CASZ1: variants seen among roughly 807,000 people sequenced by gnomAD.
CASZ1 encodes castor zinc finger 1.
Under a neutral mutation model 135.2 loss-of-function variants are expected in CASZ1, and 28 were observed. The observed-to-expected ratio is 0.21, with a 90% CI of 0.15 to 0.28. The LOEUF is 0.28. Among genes scored for constraint, CASZ1 ranks in the 10% least tolerant of loss-of-function variants. CASZ1 has a pLI of 1.00. For missense variants in CASZ1, 2,161 were observed against 2,453.3 expected, an observed-to-expected ratio of 0.88 and a Z score of 2.52; for synonymous variants, 1,068 against 1,073.4, an observed-to-expected ratio of 0.99 and a Z score of 0.10.
chr1:10,749,931 C>G (rs1004452060), intron 2 of CASZ1, among the ~76,000 whole-genome samples: 7 of 152,182 alleles, frequency 4.6e-5, no homozygotes, highest in African/African-American at 1.7e-4. Context: ...GTCTCCGGAG[C>G]ATCACAGACA....
rs1178322390 is a variant in CASZ1, at chr1:10,636,877, T to A, written c.*2065A>T. Reference sequence around the variant, plus strand: ...ATATATCTATATATGTATATACATATAGATATATACACACACATATGTGCA... The same window carrying A: ...ATATATCTATATATGTATATACATAAAGATATATACACACACATATGTGCA... On this transcript the variant is annotated 3_prime_UTR_variant, in exon 21 of 21. Transcript: ENST00000377022. 1 of 151,920 alleles carries A rather than the reference T, an allele frequency of 6.6e-6. No individual in the cohort carries two copies. Among genetic ancestry groups the A allele is most frequent in the Admixed American group, 6.6e-5 (1 of 15,218 alleles). 9.4% of individuals were successfully genotyped at this position (151,920 alleles called of 1,614,324 possible). A position where few individuals can be genotyped will look rare whatever the true frequency, so the allele number is the denominator to read the frequency against.
chr1:10,783,126 G>T (rs1046299500), intron 1 of CASZ1, among the ~76,000 whole-genome samples: 1 of 152,142 alleles, frequency 6.6e-6, no homozygotes, highest in Non-Finnish European at 1.5e-5. Flanking sequence ...CCCTCCCGGG[G>T]CCACCGGCCA....
rs1299701471 is a variant in CASZ1 at position 10,707,757 on chromosome 1, G to T, written c.-76-2213C>A. 6.6e-6 allele frequency among the ~76,000 whole-genome samples: 1 copy of T among 152,126 alleles called. No individual in the cohort carries two copies. The highest frequency in any genetic ancestry group is 6.5e-5 in the Admixed American group (1 of 15,284). On this transcript the variant is annotated intron_variant, in intron 2 of 20. Coordinates refer to ENST00000377022, the MANE Select transcript of CASZ1 (RefSeq NM_001079843.3). This position sits in a 1 kb window ranked among gnomAD's most constrained non-coding sequence, Gnocchi z 5.0. Reference sequence around the variant, plus strand: ...CTTCCTTCTCTGGGCATCTTTTCTTGTCTCTCTGCCTCTCACTGTCCCCAC... The same window carrying T: ...CTTCCTTCTCTGGGCATCTTTTCTTTTCTCTCTGCCTCTCACTGTCCCCAC...
At chr1:10,664,966 G>A in intron 5 of CASZ1, 117 bp downstream of exon 5, 5 of 1,199,262 alleles carry the variant, frequency 4.2e-6, no homozygotes, top group Non-Finnish European at 5.4e-6. Context: ...GGTGGGATGA[G>A]GGGCCGGTAT....
At chr1:10,729,027 G>T (rs1042870479) in intron 2 of CASZ1, among the ~76,000 whole-genome samples, 5 of 152,002 alleles carry the variant, frequency 3.3e-5, no homozygotes, top group African/African-American at 1.2e-4. Flanking sequence ...CGGACCGAGG[G>T]GACAAAACCC....
intron 3 of CASZ1, among the ~76,000 whole-genome samples, chr1:10,698,495 A>C (rs1638988239): frequency 6.6e-6 from 1 of 152,242 alleles, no homozygotes; most frequent in African/African-American, 2.4e-5. Context: ...CTAAATTATA[A>C]AATTCTCCAA....
intron 5 of CASZ1, 94 bp from the exon 6 acceptor site, chr1:10,660,630 G>T (rs1419142308): frequency 1.0e-6 from 1 of 974,078 alleles, no homozygotes; most frequent in Non-Finnish European, 1.6e-6. Context: ...GAGGGAGGGG[G>T]TCAGTGTGGG....
At position 10,769,642 on chromosome 1, in the gene CASZ1, G is replaced by A. The variant is rs189780012; in HGVS notation, c.-233-8785C>T. On this transcript the variant is annotated intron_variant, in intron 1 of 20. Coordinates refer to ENST00000377022, the MANE Select transcript of CASZ1 (RefSeq NM_001079843.3). ...AGCGATTCTCCTGCCTCTGCCTCCC[G>A]AATAGCTGGGATTACAGGTGCGCAC... 9.2e-5 allele frequency among the ~76,000 whole-genome samples: 14 copies of A among 151,922 alleles called. 1 individual carries two copies. In the East Asian group the frequency reaches 1.4e-3, roughly 15 times the overall value.
At position 10,646,836 on chromosome 1, in the gene CASZ1, C is replaced by T. The variant is rs777188519; in HGVS notation, c.3498-510G>A. ...TGCCTGGTGTCAGCTCCTGGGGGCT[C>T]ACAGCTGCTGGGCTCCCCAGGATCA... On this transcript the variant is annotated intron_variant, in intron 16 of 20. Coordinates refer to ENST00000377022, the MANE Select transcript of CASZ1 (RefSeq NM_001079843.3). The surrounding 1 kb of genome is among the most constrained non-coding windows in gnomAD (Gnocchi z 6.4). Among the ~76,000 whole-genome samples the T allele has an allele frequency of 6.6e-6, 1 of 152,180 alleles. No individual in the cohort carries two copies. The highest frequency in any genetic ancestry group is 1.5e-5 in the Non-Finnish European group (1 of 68,020).
At chr1:10,648,830 G>A (rs1450752315) in intron 15 of CASZ1, 2 of 540,506 alleles carry the variant, frequency 3.7e-6, no homozygotes, top group Non-Finnish European at 6.6e-6. Context: ...CGTGGGTGCA[G>A]CAGCAGCTGT....
chr1:10,650,284 C>T (rs1350658986), intron 13 of CASZ1: 1 of 152,502 alleles, frequency 6.6e-6, no homozygotes, highest in Non-Finnish European at 1.5e-5. Context: ...GCGTCCGAGA[C>T]CATTACTCAA....
chr1:10,683,366 C>A (rs1213393739), intron 4 of CASZ1, among the ~76,000 whole-genome samples: 1 of 152,152 alleles, frequency 6.6e-6, no homozygotes, highest in Non-Finnish European at 1.5e-5. Context: ...AGCCCCCAGC[C>A]TAAAACCCCA....
intron 2 of CASZ1, among the ~76,000 whole-genome samples, chr1:10,745,506 T>G (rs943648157): frequency 1.3e-5 from 2 of 152,178 alleles, no homozygotes; most frequent in African/African-American, 4.8e-5. Flanking sequence ...GCTTCCTGGG[T>G]GTGCAACCCA....
intron 1 of CASZ1, among the ~76,000 whole-genome samples, chr1:10,785,963 C>G (rs1333977253): frequency 2.0e-5 from 3 of 152,198 alleles, no homozygotes; most frequent in Non-Finnish European, 4.4e-5. Context: ...ACAAAGGCTT[C>G]GAGGAATGAA....
Position 10,697,264 on chromosome 1 carries a change from C to G in CASZ1, c.-23-3352G>C, listed in dbSNP as rs890337424. On this transcript the variant is annotated intron_variant, in intron 3 of 20. Coordinates refer to ENST00000377022, the MANE Select transcript of CASZ1 (RefSeq NM_001079843.3). The surrounding 1 kb of genome is among the most constrained non-coding windows in gnomAD (Gnocchi z 4.7). ...GCGCCCCCCCCTTCTCTCTCTTTCT[C>G]TCTGAGTGTATCTGCTCATACCAAG... is the stretch of plus-strand genomic sequence containing the variant. Among the ~76,000 whole-genome samples the G allele has an allele frequency of 6.6e-6, 1 of 151,588 alleles. No individual in the cohort carries two copies. The highest frequency in any genetic ancestry group is 1.5e-5 in the Non-Finnish European group (1 of 67,904).
intron 2 of CASZ1, among the ~76,000 whole-genome samples, chr1:10,746,409 G>T (rs1224663918): frequency 6.6e-6 from 1 of 152,226 alleles, no homozygotes; most frequent in Non-Finnish European, 1.5e-5. Context: ...GCTGTAAACG[G>T]CTCCAAGTCT....
chr1:10,661,815 A>G (rs1570435002), intron 5 of CASZ1, among the ~76,000 whole-genome samples: 1 of 150,170 alleles, frequency 6.7e-6, no homozygotes, highest in South Asian at 2.1e-4. Flanking sequence ...ACACACCCAC[A>G]GTCACATGTA....
rs146554481 is a variant in CASZ1, at chr1:10,707,554, C to T, written c.-76-2010G>A. Among the ~76,000 whole-genome samples, 1,146 of 152,084 alleles carry T rather than the reference C, an allele frequency of 7.5e-3. 20 individuals carry two copies. The highest frequency in any genetic ancestry group is 0.027 in the African/African-American group (1,100 of 41,478). ...GGGGGTGGAGGAGGGAGGGGAGGGC[C>T]AGAGATGTGTACGTACAGGGACCAG... On this transcript the variant is annotated intron_variant, in intron 2 of 20. Transcript: ENST00000377022. This position sits in a 1 kb window ranked among gnomAD's most constrained non-coding sequence, Gnocchi z 5.0.
At chr1:10,687,981 C>T (rs950568986) in intron 4 of CASZ1, among the ~76,000 whole-genome samples, 17 of 152,224 alleles carry the variant, frequency 1.1e-4, no homozygotes, top group Admixed American at 1.0e-3. Flanking sequence ...CCTCCTTCTG[C>T]CCCCACTAAG....
Sources: allele counts gnomAD v4.1 joint callset (sites outside exome capture counted in the v4.1 genomes callset), GRCh38; gene constraint gnomAD v4.1.1; non-coding constraint Gnocchi (gnomAD v3.1); transcripts MANE v1.5; gene names NCBI Gene and HGNC (gene_info 2026-07-23, HGNC 2026-07-21).